MGAT4C: variants seen among roughly 807,000 people sequenced by gnomAD.
MGAT4C encodes the protein MGAT4 family member C, also known as alpha-1,3-mannosyl-glycoprotein 4-beta-N-acetylglucosaminyltransferase C.
In MGAT4C, 19 loss-of-function variants were observed where a neutral mutation model predicts 40.1. That is an observed-to-expected ratio of 0.47 (90% CI 0.33 to 0.70). The LOEUF (loss-of-function observed/expected upper bound fraction) is 0.70, where lower values mean the gene tolerates loss of function less well. MGAT4C is among the 30% of genes least tolerant of loss of function. The probability of loss-of-function intolerance (pLI) is 0.02; values close to 1 mark genes in which losing one functional copy is unlikely to be tolerated. For missense variants in MGAT4C, 491 were observed against 563.2 expected (o/e 0.87, Z 1.30); for synonymous variants, 181 against 187.1 (o/e 0.97, Z 0.27).
At chr12:86,650,884 G>A (rs1444851222) in intron 2 of MGAT4C, among the ~76,000 whole-genome samples, 1 of 151,892 alleles carries the variant, frequency 6.6e-6, no homozygotes, top group East Asian at 1.9e-4. Context: ...GAAATGTACA[G>A]TCCTGCTGCA....
intron 4 of MGAT4C, among the ~76,000 whole-genome samples, chr12:86,320,455 T>C (rs1213067164): frequency 6.6e-6 from 1 of 152,242 alleles, no homozygotes; most frequent in East Asian, 1.9e-4. Flanking sequence ...ATATTTTTCA[T>C]GGTAAAAATA....
At chr12:86,157,071 G>A (rs1255210723) in intron 1 of MGAT4C, among the ~76,000 whole-genome samples, 1 of 151,790 alleles carries the variant, frequency 6.6e-6, no homozygotes, top group Non-Finnish European at 1.5e-5. Flanking sequence ...GGTAAGTATA[G>A]ATCATGTCAG....
chr12:86,053,294 T>C lies in MGAT4C; in HGVS notation c.-56-3571A>G, dbSNP rs1419306973. Among the ~76,000 whole-genome samples the C allele has an allele frequency of 4.6e-5, 7 of 151,178 alleles. No homozygotes were observed. In the Admixed American group the frequency reaches 4.6e-4, roughly 10 times the overall value. On this transcript the variant is annotated intron_variant, in intron 1 of 4. Transcript: ENST00000611864. Reference sequence around the variant, plus strand: ...ATGAGATGACTAAGAGACAAATTAATAATTTTTGGACACTTCTAACTTAAA... The same window carrying C: ...ATGAGATGACTAAGAGACAAATTAACAATTTTTGGACACTTCTAACTTAAA...
At chr12:86,039,914 A>G (rs945283724) in intron 2 of MGAT4C, among the ~76,000 whole-genome samples, 4 of 152,114 alleles carry the variant, frequency 2.6e-5, no homozygotes, top group African/African-American at 9.6e-5. Flanking sequence ...CTCTGAGTGG[A>G]TGTCCTTTTT....
chr12:86,822,084 A>G (rs1335129026), intron 1 of MGAT4C, among the ~76,000 whole-genome samples: 1 of 151,148 alleles, frequency 6.6e-6, no homozygotes, highest in Non-Finnish European at 1.5e-5. Flanking sequence ...GTAGAGTTTT[A>G]TAAGTGATAG....
intron 2 of MGAT4C, among the ~76,000 whole-genome samples, chr12:86,473,666 T>C (rs571026862): frequency 2.6e-5 from 4 of 152,232 alleles, no homozygotes; most frequent in Non-Finnish European, 5.9e-5. Context: ...CATAATAATG[T>C]TATTTTTAAA....
intron 2 of MGAT4C, among the ~76,000 whole-genome samples, chr12:86,450,441 C>A (rs910386215): frequency 6.6e-6 from 1 of 152,066 alleles, no homozygotes; most frequent in Admixed American, 6.6e-5. Context: ...TCAAAATATT[C>A]TCTCATTCTG....
intron 2 of MGAT4C, among the ~76,000 whole-genome samples, chr12:86,010,701 C>G (rs953081694): frequency 6.6e-6 from 1 of 151,774 alleles, no homozygotes; most frequent in Non-Finnish European, 1.5e-5. Context: ...AACCAACAAA[C>G]AAACAAACAC....
At chr12:86,070,524 A>G (rs1894983822) in intron 1 of MGAT4C, among the ~76,000 whole-genome samples, 1 of 152,056 alleles carries the variant, frequency 6.6e-6, no homozygotes, top group Non-Finnish European at 1.5e-5. Context: ...TTTTTTCTCA[A>G]GTTGCAACTT....
chr12:85,986,247 T>A (rs1347330487), intron 3 of MGAT4C, among the ~76,000 whole-genome samples: 1 of 152,228 alleles, frequency 6.6e-6, no homozygotes, highest in African/African-American at 2.4e-5. Flanking sequence ...TTTCTGTAGC[T>A]ACTATGCTGT....
At chr12:86,562,180 G>A (rs1476291922) in intron 2 of MGAT4C, among the ~76,000 whole-genome samples, 1 of 152,188 alleles carries the variant, frequency 6.6e-6, no homozygotes, top group Non-Finnish European at 1.5e-5. Context: ...AGCACACTCT[G>A]AGCCTCAAAT....
chr12:86,105,976 C>G (rs1876087904), intron 1 of MGAT4C, among the ~76,000 whole-genome samples: 1 of 152,028 alleles, frequency 6.6e-6, no homozygotes, highest in Non-Finnish European at 1.5e-5. Context: ...AAGTCTGAAC[C>G]TAAATGGTAA....
At chr12:86,275,448 T>C (rs1953051510) in intron 4 of MGAT4C, among the ~76,000 whole-genome samples, 1 of 152,136 alleles carries the variant, frequency 6.6e-6, no homozygotes, top group South Asian at 2.1e-4. Context: ...TGCCCAGCTG[T>C]TGTAGTTGGA....
intron 1 of MGAT4C, among the ~76,000 whole-genome samples, chr12:86,815,948 G>C (rs1193851044): frequency 6.6e-6 from 1 of 151,730 alleles, no homozygotes; most frequent in African/African-American, 2.4e-5. Flanking sequence ...CACCACTAAA[G>C]AACTTACTCT....
At chr12:86,522,586 T>C (rs1592948680) in intron 2 of MGAT4C, among the ~76,000 whole-genome samples, 1 of 152,124 alleles carries the variant, frequency 6.6e-6, no homozygotes, top group South Asian at 2.1e-4. Flanking sequence ...GGCCAGGTTT[T>C]GGTATCAGGA....
intron 2 of MGAT4C, among the ~76,000 whole-genome samples, chr12:86,444,205 A>C (rs901700965): frequency 6.6e-6 from 1 of 152,162 alleles, no homozygotes; most frequent in African/African-American, 2.4e-5. Flanking sequence ...TCTAACAATT[A>C]TGTGATTCCT....
At chr12:86,019,798 T>C (rs377633879) in intron 2 of MGAT4C, among the ~76,000 whole-genome samples, 1 of 152,148 alleles carries the variant, frequency 6.6e-6, no homozygotes, top group Non-Finnish European at 1.5e-5. Context: ...GCCATTTTCA[T>C]GATACTGATT....
chr12:86,008,930 A>C (rs1316698268), intron 2 of MGAT4C, among the ~76,000 whole-genome samples: 1 of 152,066 alleles, frequency 6.6e-6, no homozygotes, highest in Admixed American at 6.5e-5. Flanking sequence ...TTTAAACCAA[A>C]TAGAAGTATA....
At chr12:86,077,272 A>G (rs1406345541) in intron 1 of MGAT4C, among the ~76,000 whole-genome samples, 1 of 152,194 alleles carries the variant, frequency 6.6e-6, no homozygotes, top group Non-Finnish European at 1.5e-5. Flanking sequence ...AAAGAAAATA[A>G]TAAGTTCATA....
Sources: allele counts gnomAD v4.1 joint callset (sites outside exome capture counted in the v4.1 genomes callset), GRCh38; gene constraint gnomAD v4.1.1; transcripts MANE v1.5; gene names NCBI Gene and HGNC (gene_info 2026-07-23, HGNC 2026-07-21).